Variants in GPRC6A observed in about 807,000 individuals in gnomAD.
GPRC6A encodes G protein-coupled receptor class C group 6 member A.
Under a neutral mutation model 47.0 loss-of-function variants are expected in GPRC6A, and 54 were observed. The ratio of observed to expected loss-of-function variants is 1.15; its 90% CI spans 0.92 to 1.44. The LOEUF (loss-of-function observed/expected upper bound fraction) is 1.44, where lower values mean the gene tolerates loss of function less well. Ranked by LOEUF, GPRC6A falls within the 40% of genes most tolerant of loss-of-function variation. The pLI is 0.00. For missense variants in GPRC6A, 1,112 were observed against 1,105.5 expected (o/e 1.01, Z -0.08); for synonymous variants, 347 against 377.1 (o/e 0.92, Z 0.93).
chr6:116,809,555 T>C lies in GPRC6A; in HGVS notation c.257A>G (p.Asn86Ser), dbSNP rs1772960577. 5.0e-6 allele frequency: 8 copies of C among 1,612,746 alleles called. No individual in the cohort carries two copies. The highest frequency in any genetic ancestry group is 1.3e-5 in the African/African-American group (1 of 74,870). Residue 86 changes from asparagine to serine, a missense_variant, in exon 2 of 6, where the codon AAT (asparagine) becomes AGT (serine). Transcript: ENST00000310357. ...AMIHSIEMIN[N>S]STLLPGVKLG... Reference sequence around the variant, plus strand: ...TTTGACTCCAGGTAAGAGTGTTGAATTGTTGATCATCTCAATGCTGTGTAT... The same window carrying C: ...TTTGACTCCAGGTAAGAGTGTTGAACTGTTGATCATCTCAATGCTGTGTAT...
At position 116,828,988 on chromosome 6, in the gene GPRC6A, G is replaced by A. The variant is rs765185895; in HGVS notation, c.26C>T (p.Thr9Ile). 1 of 1,612,454 alleles carries A rather than the reference G, an allele frequency of 6.2e-7. No homozygotes were observed. The highest frequency in any genetic ancestry group is 1.1e-5 in the South Asian group (1 of 90,888). Residue 9 changes from threonine to isoleucine, a missense_variant, in exon 1 of 6, where the codon ACC becomes ATC. Coordinates refer to ENST00000310357, the MANE Select transcript of GPRC6A (RefSeq NM_148963.4). ...AGTAGCAAGAATAATCACAAAGCAG[G>A]TAATTAGTATAATTAAGAATGCCAT... Reference protein sequence around the residue: MAFLIILITCFVIILATSQ... With the variant: MAFLIILIICFVIILATSQ...
At chr6:116,796,720 G>A (rs1428868173) in intron 4 of GPRC6A, among the ~76,000 whole-genome samples, 4 of 152,110 alleles carry the variant, frequency 2.6e-5, no homozygotes, top group Non-Finnish European at 4.4e-5. Context: ...AAAAGATTCA[G>A]TAGGCCCTGG....
intron 1 of GPRC6A, among the ~76,000 whole-genome samples, chr6:116,816,966 G>T (rs893283172): frequency 6.6e-6 from 1 of 151,698 alleles, no homozygotes; most frequent in Non-Finnish European, 1.5e-5. Flanking sequence ...GGGGAGGGGC[G>T]CCCGCCATTG....
chr6:116,809,675 G>A (rs1355260626), intron 1 of GPRC6A, 58 bp from the exon 2 acceptor site: 1 of 1,261,492 alleles, frequency 7.9e-7, no homozygotes, highest in East Asian at 2.3e-5. Flanking sequence ...GGACATGGCT[G>A]TATCTCATTT....
chr6:116,793,212 A>G lies in GPRC6A; in HGVS notation c.1711T>C (p.Trp571Arg). The G allele has an allele frequency of 3.7e-6, 6 of 1,605,316 alleles. No homozygotes were observed. The highest frequency in any genetic ancestry group is 5.1e-6 in the Non-Finnish European group (6 of 1,176,590). Reference sequence around the variant, plus strand: ...CACATAGTGCTCCTAACAGGGGCCCAGTGAGTTTTGTTGTTGCATAAAAGG... The same window carrying G: ...CACATAGTGCTCCTAACAGGGGCCCGGTGAGTTTTGTTGTTGCATAAAAGG... ...HCLLCNNKTH[W>R]APVRSTMCFE... Residue 571 changes from tryptophan (W) to arginine (R), a missense_variant, in exon 6 of 6, where the codon TGG becomes CGG. Transcript: ENST00000310357.
At chr6:116,802,994 C>T (rs1476372478) in intron 3 of GPRC6A, among the ~76,000 whole-genome samples, 1 of 151,992 alleles carries the variant, frequency 6.6e-6, no homozygotes. Context: ...ATGCAACTAC[C>T]TTGCTACACT....
chr6:116,816,706 G>A (rs1041972010), intron 1 of GPRC6A, among the ~76,000 whole-genome samples: 2 of 152,226 alleles, frequency 1.3e-5, no homozygotes, highest in Admixed American at 6.5e-5. Context: ...GAAGCAGGGC[G>A]AGGCATTGCC....
chr6:116,801,934 T>A (rs1293515579), intron 3 of GPRC6A, among the ~76,000 whole-genome samples: 1 of 152,148 alleles, frequency 6.6e-6, no homozygotes, highest in Non-Finnish European at 1.5e-5. Context: ...TAAAAGAATA[T>A]GCAAGGGCCT....
intron 1 of GPRC6A, among the ~76,000 whole-genome samples, chr6:116,823,504 G>C (rs1773575919): frequency 6.6e-6 from 1 of 152,038 alleles, no homozygotes; most frequent in South Asian, 2.1e-4. Context: ...CAAGTCTCTA[G>C]GAAGTTCCAA....
rs1439209938 is a variant in GPRC6A, at chr6:116,792,880, A to G, written c.2043T>C (p.Ser681=). The change falls in exon 6 of 6, where the codon TCT becomes TCC. Residue 681 remains serine, a synonymous_variant. Transcript: ENST00000310357. The stretch of plus-strand genomic sequence containing the variant: ...AGCTGAAGGCTAGCAAAATTTTCAG[A>G]GACTTCGTCAAAATGCAGGAGATGC... ...TLCISCILTK[S]LKILLAFSFD... 6.2e-7 allele frequency: 1 copy of G among 1,614,008 alleles called. No individual in the cohort carries two copies. The highest frequency in any genetic ancestry group is 1.7e-5 in the Admixed American group (1 of 59,970).
intron 1 of GPRC6A, among the ~76,000 whole-genome samples, chr6:116,812,191 A>G (rs1299676164): frequency 6.6e-6 from 1 of 152,222 alleles, no homozygotes; most frequent in Non-Finnish European, 1.5e-5. Context: ...CAGAAACCTT[A>G]TAGGCCAGAA....
At chr6:116,822,917 A>C (rs1404924836) in intron 1 of GPRC6A, among the ~76,000 whole-genome samples, 1 of 151,170 alleles carries the variant, frequency 6.6e-6, no homozygotes, top group African/African-American at 2.4e-5. Flanking sequence ...AAAGAAAGAA[A>C]GAAAGAAATC....
At chr6:116,810,657 T>C (rs1403616951) in intron 1 of GPRC6A, among the ~76,000 whole-genome samples, 2 of 151,708 alleles carry the variant, frequency 1.3e-5, no homozygotes, top group Admixed American at 6.5e-5. Context: ...TCAAATAGCT[T>C]AATTTATCAA....
intron 1 of GPRC6A, among the ~76,000 whole-genome samples, chr6:116,816,411 CTCTTT>C (rs1178927721): frequency 2.0e-5 from 3 of 152,204 alleles, no homozygotes; most frequent in Non-Finnish European, 4.4e-5. Flanking sequence ...CCAAAATAAT[CTCTTT>C]TAACTCCATG....
At chr6:116,820,651 T>C (rs1037083495) in intron 1 of GPRC6A, among the ~76,000 whole-genome samples, 1 of 151,390 alleles carries the variant, frequency 6.6e-6, no homozygotes, top group Non-Finnish European at 1.5e-5. Context: ...TTTGACAAAA[T>C]TCAACAACCC....
chr6:116,798,254 T>C (rs748384490), intron 4 of GPRC6A, among the ~76,000 whole-genome samples: 1 of 152,098 alleles, frequency 6.6e-6, no homozygotes, highest in Non-Finnish European at 1.5e-5. Flanking sequence ...CCAGGGAAGC[T>C]CTCACTGAGG....
At chr6:116,799,842 G>A (rs1772604479) in intron 4 of GPRC6A, among the ~76,000 whole-genome samples, 2 of 152,164 alleles carry the variant, frequency 1.3e-5, no homozygotes, top group South Asian at 4.1e-4. Context: ...AGTGAAAGAG[G>A]TTGGGACCCA....
chr6:116,816,751 T>C (rs1177286618), intron 1 of GPRC6A, among the ~76,000 whole-genome samples: 1 of 152,234 alleles, frequency 6.6e-6, no homozygotes, highest in African/African-American at 2.4e-5. Flanking sequence ...GGGAGTTCCC[T>C]TTCCGAGTCA....
At chr6:116,809,168 G>C (rs1229393001) in intron 2 of GPRC6A, 146 bp downstream of exon 2, 5 of 630,480 alleles carry the variant, frequency 7.9e-6, no homozygotes, top group Non-Finnish European at 1.4e-5. Flanking sequence ...TATACTCTCT[G>C]TAATGGTGTG....
Sources: gnomAD v4.1 joint callset for allele counts (sites outside exome capture counted in the v4.1 genomes callset) on GRCh38, gnomAD v4.1.1 for gene constraint, MANE v1.5 for transcripts, NCBI Gene and HGNC (gene_info 2026-07-23, HGNC 2026-07-21) for gene names.